Variants in MARCHF1 observed in about 807,000 individuals in gnomAD.
The protein encoded by MARCHF1 is membrane associated ring-CH-type finger 1.
A neutral mutation model predicts 54.2 loss-of-function variants in MARCHF1; 40 were observed. That is an observed-to-expected ratio of 0.74 (90% CI 0.57 to 0.96). MARCHF1 has a LOEUF of 0.96. Among genes scored for constraint, MARCHF1 ranks in the 40% least tolerant of loss-of-function variants. The pLI, the probability that MARCHF1 is intolerant of heterozygous loss-of-function variation, is 0.00. For synonymous variants in MARCHF1, 236 were observed against 236.3 expected (o/e 1.00, Z 0.01); for missense variants, 586 against 656.5 (o/e 0.89, Z 1.17).
In MARCHF1 at chr4:163,856,357, C is replaced by T. The variant is rs144672770; in HGVS notation, c.-38-2188G>A. Among the ~76,000 whole-genome samples, 485 of 152,132 alleles carry T rather than the reference C, an allele frequency of 3.2e-3. 5 individuals carry two copies. The highest frequency in any genetic ancestry group is 0.011 in the African/African-American group (443 of 41,506). ...GTTAATAATAATCATTGAATACTAT[C>T]CATGGACATTGTACAGGCTATTTTA... On this transcript the variant is annotated intron_variant, in intron 3 of 9. Coordinates refer to ENST00000514618, the MANE Select transcript of MARCHF1 (RefSeq NM_001394959.1).
intron 4 of MARCHF1, among the ~76,000 whole-genome samples, chr4:163,743,886 C>T (rs991260958): frequency 6.6e-6 from 1 of 152,138 alleles, no homozygotes; most frequent in Non-Finnish European, 1.5e-5. Context: ...GAAATTGGCA[C>T]TGAAATAGAC....
At chr4:164,091,435 A>ATATAT (rs1560899504) in intron 2 of MARCHF1, among the ~76,000 whole-genome samples, 6 of 73,172 alleles carry the variant, frequency 8.2e-5, no homozygotes, top group Non-Finnish European at 1.3e-4. Flanking sequence ...TATATGTATA[A>ATATAT]AATGAATTGC....
intron 8 of MARCHF1, among the ~76,000 whole-genome samples, chr4:163,576,463 T>C (rs1740039726): frequency 6.6e-6 from 1 of 152,114 alleles, no homozygotes; most frequent in Non-Finnish European, 1.5e-5. Context: ...TGGCTCAGCA[T>C]GTAGTTGATC....
chr4:163,798,246 A>G (rs141088852), intron 4 of MARCHF1, among the ~76,000 whole-genome samples: 8 of 152,304 alleles, frequency 5.3e-5, no homozygotes, highest in African/African-American at 1.9e-4. Flanking sequence ...GTACAGAGGA[A>G]GAACCATTGT....
chr4:163,575,512 T>G (rs1740006733), intron 8 of MARCHF1, among the ~76,000 whole-genome samples: 1 of 152,050 alleles, frequency 6.6e-6, no homozygotes, highest in Non-Finnish European at 1.5e-5. Context: ...GGCTGTAGTT[T>G]TCTTTTTTGT....
intron 2 of MARCHF1, among the ~76,000 whole-genome samples, chr4:164,090,949 G>A (rs576669285): frequency 3.3e-5 from 5 of 151,206 alleles, no homozygotes; most frequent in African/African-American, 1.2e-4. Flanking sequence ...TGATTGAAGT[G>A]AGTTAAAGAA....
chr4:163,968,671 C>T (rs1752490803), intron 3 of MARCHF1, among the ~76,000 whole-genome samples: 1 of 152,094 alleles, frequency 6.6e-6, no homozygotes, highest in Non-Finnish European at 1.5e-5. Context: ...GTTGGGCACA[C>T]CATACTAATT....
At chr4:163,568,603 T>C (rs1284503528) in intron 8 of MARCHF1, among the ~76,000 whole-genome samples, 2 of 152,164 alleles carry the variant, frequency 1.3e-5, no homozygotes, top group Non-Finnish European at 1.5e-5. Flanking sequence ...AATATCTTTA[T>C]GACAATGAGT....
At chr4:164,341,204 A>C (rs1729917935) in intron 1 of MARCHF1, among the ~76,000 whole-genome samples, 1 of 151,998 alleles carries the variant, frequency 6.6e-6, no homozygotes, top group African/African-American at 2.4e-5. Flanking sequence ...TCAACCAATT[A>C]GGAATAGAAG....
At chr4:163,875,657 A>AT (rs1750272079) in intron 3 of MARCHF1, among the ~76,000 whole-genome samples, 1 of 152,200 alleles carries the variant, frequency 6.6e-6, no homozygotes, top group Non-Finnish European at 1.5e-5. Flanking sequence ...TGAAAAGTGA[A>AT]TCAATTTTTC....
intron 8 of MARCHF1, among the ~76,000 whole-genome samples, chr4:163,559,144 A>G (rs1028671104): frequency 5.9e-5 from 9 of 152,186 alleles, no homozygotes; most frequent in African/African-American, 2.2e-4. Flanking sequence ...CAACTTTTAT[A>G]CAATAGCTTA....
chr4:164,155,749 A>C (rs1171949401), intron 1 of MARCHF1, among the ~76,000 whole-genome samples: 1 of 152,148 alleles, frequency 6.6e-6, no homozygotes, highest in Non-Finnish European at 1.5e-5. Flanking sequence ...TGGTGGTTAC[A>C]GACTTCACCA....
chr4:163,765,182 A>C (rs1335428069), intron 4 of MARCHF1, among the ~76,000 whole-genome samples: 1 of 152,112 alleles, frequency 6.6e-6, no homozygotes, highest in Non-Finnish European at 1.5e-5. Flanking sequence ...TTATTGTTTC[A>C]TTGATTGTTA....
intron 3 of MARCHF1, among the ~76,000 whole-genome samples, chr4:163,938,744 A>G (rs998557045): frequency 5.3e-5 from 8 of 152,156 alleles, no homozygotes; most frequent in Admixed American, 3.9e-4. Flanking sequence ...GAAACTTACA[A>G]TCATGGTGGA....
At chr4:163,947,705 G>T (rs180915078) in intron 3 of MARCHF1, among the ~76,000 whole-genome samples, 1 of 152,332 alleles carries the variant, frequency 6.6e-6, no homozygotes, top group Non-Finnish European at 1.5e-5. Flanking sequence ...AAAATGTGTG[G>T]TGTGTTAGGT....
At chr4:164,000,705 T>G (rs1753170609) in intron 2 of MARCHF1, among the ~76,000 whole-genome samples, 1 of 151,730 alleles carries the variant, frequency 6.6e-6, no homozygotes, top group Admixed American at 6.6e-5. Flanking sequence ...ATACAATGGA[T>G]AATAGCTATA....
chr4:163,837,086 A>G (rs1055996438), intron 4 of MARCHF1, among the ~76,000 whole-genome samples: 6 of 152,246 alleles, frequency 3.9e-5, no homozygotes, highest in African/African-American at 1.4e-4. Context: ...CCTAACATAA[A>G]TAAGGACACA....
chr4:164,151,537 T>C (rs1729937551), intron 1 of MARCHF1, among the ~76,000 whole-genome samples: 1 of 152,138 alleles, frequency 6.6e-6, no homozygotes, highest in South Asian at 2.1e-4. Flanking sequence ...AAAGAAATTG[T>C]GCTCAGAATT....
intron 1 of MARCHF1, among the ~76,000 whole-genome samples, chr4:164,312,319 CTTTTTTTT>C (rs34613860): frequency 9.7e-6 from 1 of 103,428 alleles, no homozygotes; most frequent in African/African-American, 3.7e-5. Context: ...TTTTCTTTTT[CTTTTTTTT>C]TTTTTTTTTT....
Sources: gnomAD v4.1 joint callset for allele counts (sites outside exome capture counted in the v4.1 genomes callset) on GRCh38, gnomAD v4.1.1 for gene constraint, MANE v1.5 for transcripts, NCBI Gene and HGNC (gene_info 2026-07-23, HGNC 2026-07-21) for gene names.